TRHDE: variants seen among roughly 807,000 people sequenced by gnomAD.
TRHDE encodes thyrotropin-releasing hormone-degrading ectoenzyme.
TRHDE carries 72 observed loss-of-function variants against 125.7 expected under a neutral mutation model. The ratio of observed to expected loss-of-function variants is 0.57; its 90% CI spans 0.47 to 0.70. TRHDE has a LOEUF of 0.70. Among genes scored for constraint, TRHDE ranks in the 30% least tolerant of loss-of-function variants. The pLI, the probability that TRHDE is intolerant of heterozygous loss-of-function variation, is 0.00. For missense variants in TRHDE, 1,110 were observed against 1,327.1 expected (o/e 0.84, Z 2.54); for synonymous variants, 509 against 509.1 (o/e 1.00, Z 0.00).
chr12:72,518,916 G>A (rs1218315976), intron 6 of TRHDE, among the ~76,000 whole-genome samples: 5 of 151,904 alleles, frequency 3.3e-5, no homozygotes, highest in Admixed American at 1.3e-4. Flanking sequence ...GCTTAGTTTG[G>A]CTGGATATGA....
intron 12 of TRHDE, among the ~76,000 whole-genome samples, chr12:72,589,788 T>A (rs1871592848): frequency 6.6e-6 from 1 of 152,072 alleles, no homozygotes; most frequent in South Asian, 2.1e-4. Context: ...TTTTGTTTTC[T>A]CTCTTTTTTG....
intron 2 of TRHDE, among the ~76,000 whole-genome samples, chr12:72,300,765 C>T (rs1256325485): frequency 6.6e-6 from 1 of 151,746 alleles, no homozygotes; most frequent in East Asian, 1.9e-4. Context: ...TGTAGTCACT[C>T]AGTAAATATT....
At chr12:72,557,948 A>G (rs1356057165) in intron 7 of TRHDE, among the ~76,000 whole-genome samples, 1 of 149,304 alleles carries the variant, frequency 6.7e-6, no homozygotes, top group Non-Finnish European at 1.5e-5. Context: ...TATTGCAAAA[A>G]GAAAGACAAA....
At chr12:72,254,527 C>A (rs539946709) in intron 2 of TRHDE, 2 of 152,306 alleles carry the variant, frequency 1.3e-5, no homozygotes, top group East Asian at 1.9e-4. Flanking sequence ...ACTTACTTGT[C>A]CTCTTAGATT....
At chr12:72,432,509 G>A (rs11179202) in intron 3 of TRHDE, among the ~76,000 whole-genome samples, 20,509 of 152,060 alleles carry the variant, frequency 0.13, 1,783 homozygotes, top group East Asian at 0.48. Context: ...AGGGTTATAG[G>A]ACAGCTGCCT....
chr12:72,351,670 T>C (rs1376572445), intron 2 of TRHDE, among the ~76,000 whole-genome samples: 1 of 151,902 alleles, frequency 6.6e-6, no homozygotes, highest in Non-Finnish European at 1.5e-5. Flanking sequence ...GGCAACATCT[T>C]TATAATTGGT....
chr12:72,422,731 G>T (rs1874012529), intron 3 of TRHDE, among the ~76,000 whole-genome samples: 1 of 152,074 alleles, frequency 6.6e-6, no homozygotes, highest in Admixed American at 6.6e-5. Flanking sequence ...GCTATGGTTT[G>T]AATGTGTCCC....
chr12:72,118,528 TTGTC>T lies in TRHDE; in HGVS notation n.279+12780_279+12783del, dbSNP rs1216793469. ...CCAGTAGCTCTTTGTTGCTGTGTCT[TTGTC>T]TGTTTTTGGTATCAGGGTAATACTG... is the stretch of plus-strand genomic sequence containing the variant. On this transcript the variant is annotated intron_variant and non_coding_transcript_variant, in intron 2 of 4. Coordinates refer to the TRHDE transcript ENST00000548156. 2.6e-5 allele frequency among the ~76,000 whole-genome samples: 4 copies of T among 152,238 alleles called. No individual in the cohort carries two copies. The East Asian group carries it at 5.8e-4, about 22-fold the overall frequency.
intron 2 of TRHDE, among the ~76,000 whole-genome samples, chr12:72,232,565 A>G (rs992902591): frequency 6.6e-6 from 1 of 152,090 alleles, no homozygotes; most frequent in African/African-American, 2.4e-5. Context: ...AATACAGAAA[A>G]TAACAAAATA....
intron 3 of TRHDE, among the ~76,000 whole-genome samples, chr12:72,438,849 G>T (rs1874866271): frequency 6.6e-6 from 1 of 151,830 alleles, no homozygotes; most frequent in African/African-American, 2.4e-5. Context: ...AAAAGGCATT[G>T]CCTAGACCAA....
rs1287600151 is a variant in TRHDE, at chr12:72,632,345, G to A, written c.2675+10594G>A. The stretch of plus-strand genomic sequence containing the variant: ...GCCCTGACCAGAGCTGAGTGAAGAA[G>A]CAGTTTAAATATTCATAGTCAGGAT... On this transcript the variant is annotated intron_variant, in intron 15 of 18. Coordinates refer to ENST00000261180, the MANE Select transcript of TRHDE (RefSeq NM_013381.3). 2.0e-5 allele frequency among the ~76,000 whole-genome samples: 3 copies of A among 152,110 alleles called. No homozygotes were observed. In the East Asian group the frequency reaches 5.8e-4, roughly 29 times the overall value.
intron 17 of TRHDE, among the ~76,000 whole-genome samples, chr12:72,654,135 T>G (rs1874615525): frequency 6.6e-6 from 1 of 152,194 alleles, no homozygotes; most frequent in African/African-American, 2.4e-5. Flanking sequence ...AAGGTAAAAT[T>G]AATGTATACA....
At chr12:72,635,426 C>T (rs1382671913) in intron 15 of TRHDE, among the ~76,000 whole-genome samples, 3 of 151,694 alleles carry the variant, frequency 2.0e-5, no homozygotes, top group Admixed American at 6.6e-5. Context: ...GAGTAGGTTG[C>T]GAAAATTTTC....
intron 2 of TRHDE, among the ~76,000 whole-genome samples, chr12:72,120,623 G>C (rs1875555898): frequency 1.3e-5 from 2 of 149,150 alleles, no homozygotes; most frequent in Non-Finnish European, 3.0e-5. Flanking sequence ...AGCAAGCAAA[G>C]AGAAAACTTA....
intron 2 of TRHDE, among the ~76,000 whole-genome samples, chr12:72,224,144 ATCTATGTATGTATG>A: frequency 2.8e-5 from 1 of 35,210 alleles, no homozygotes; most frequent in Non-Finnish European, 6.1e-5. Flanking sequence ...CTATCTATTT[ATCTATGTATGTATG>A]TATGTATGTA....
chr12:72,282,647 G>A (rs1879738651), intron 1 of TRHDE, among the ~76,000 whole-genome samples: 1 of 152,138 alleles, frequency 6.6e-6, no homozygotes, highest in Non-Finnish European at 1.5e-5. Context: ...CAGCAGACAG[G>A]GCACAAACTT....
At chr12:72,300,211 G>A (rs913707873) in intron 2 of TRHDE, among the ~76,000 whole-genome samples, 6 of 152,172 alleles carry the variant, frequency 3.9e-5, no homozygotes, top group African/African-American at 1.4e-4. Flanking sequence ...TCTTTGAACT[G>A]TAATAGGCCT....
At chr12:72,122,915 G>A (rs1274398489) in intron 2 of TRHDE, among the ~76,000 whole-genome samples, 21 of 151,912 alleles carry the variant, frequency 1.4e-4, no homozygotes, top group Admixed American at 1.3e-3. Context: ...TAAAGGATAC[G>A]ATGAAGACAA....
chr12:72,187,304 AAACAC>A (rs1877236830), intron 2 of TRHDE, among the ~76,000 whole-genome samples: 1 of 142,534 alleles, frequency 7.0e-6, no homozygotes, highest in Admixed American at 7.1e-5. Flanking sequence ...TTCTTCAGAG[AAACAC>A]AACACACACA....
Sources: allele counts gnomAD v4.1 joint callset (sites outside exome capture counted in the v4.1 genomes callset), GRCh38; gene constraint gnomAD v4.1.1; transcripts MANE v1.5; gene names NCBI Gene and HGNC (gene_info 2026-07-23, HGNC 2026-07-21).